CHRDL1: variants seen among roughly 807,000 people sequenced by gnomAD.
CHRDL1 encodes the protein chordin-like protein 1.
CHRDL1 carries 19 observed loss-of-function variants against 40.9 expected under a neutral mutation model. The ratio of observed to expected loss-of-function variants is 0.46; its 90% confidence interval spans 0.32 to 0.68. CHRDL1 has a LOEUF of 0.68. CHRDL1 is among the 30% of genes least tolerant of loss of function. The probability of loss-of-function intolerance (pLI) is 0.03; values close to 1 mark genes in which losing one functional copy is unlikely to be tolerated. For synonymous variants in CHRDL1, 136 were observed against 123.4 expected (o/e 1.10, Z -0.68); for missense variants, 329 against 352.1 (o/e 0.93, Z 0.53).
chrX:110,746,900 A>G (rs2089265124), intron 4 of CHRDL1, among the ~76,000 whole-genome samples: 1 of 111,720 alleles, frequency 9.0e-6, no homozygotes, highest in Admixed American at 9.5e-5. Context: ...TTCACTGTCA[A>G]TGCAAACTTT....
intron 2 of CHRDL1, among the ~76,000 whole-genome samples, chrX:110,774,881 G>C (rs761184702): frequency 1.8e-5 from 2 of 111,474 alleles, no homozygotes; most frequent in African/African-American, 6.5e-5. Context: ...ATAGGCCTTG[G>C]CAATTTGCAA....
intron 4 of CHRDL1, among the ~76,000 whole-genome samples, chrX:110,726,000 T>C (rs1217641307): frequency 4.5e-5 from 5 of 111,198 alleles, no homozygotes; most frequent in African/African-American, 1.6e-4. Context: ...GACATACACA[T>C]CCAACAAAGT....
chrX:110,729,732 C>G (rs911196805), intron 4 of CHRDL1, among the ~76,000 whole-genome samples: 6 of 111,589 alleles, frequency 5.4e-5, no homozygotes, highest in Non-Finnish European at 1.1e-4. Context: ...AGAGGAGAAG[C>G]CTTACTTCAG....
chrX:110,725,454 C>G (rs1380461688), intron 4 of CHRDL1, among the ~76,000 whole-genome samples: 3 of 109,930 alleles, frequency 2.7e-5, no homozygotes, highest in Non-Finnish European at 3.8e-5. Flanking sequence ...CTGCCACAGG[C>G]CTTTTTTTTT....
In CHRDL1 at chrX:110,740,229, G is replaced by T. The variant is rs775706510; in HGVS notation, c.302-18699C>A. Among the ~76,000 whole-genome samples, 3 of 112,697 alleles carry T rather than the reference G, an allele frequency of 2.7e-5. No individual in the cohort carries two copies. The South Asian group carries it at 1.1e-3, about 42-fold the overall frequency. On this transcript the variant is annotated intron_variant, in intron 4 of 11. Coordinates refer to ENST00000372042, the MANE Select transcript of CHRDL1 (RefSeq NM_001143981.2). ...GACATGAAGAAGAAACTGAAAAGGAGTTCTTAGAGTGTGTGATTGTCATTA... is the reference window on the plus strand; with the variant it reads ...GACATGAAGAAGAAACTGAAAAGGATTTCTTAGAGTGTGTGATTGTCATTA...
In CHRDL1 at chrX:110,676,378, C is replaced by T. The variant is rs377212171; in HGVS notation, c.1247-17G>A. ...TCCACTGGCCTAAAAGGCAAACAAA[C>T]GCAAAGTGGCCGGGAGTGTGTAAGA... On this transcript the variant is annotated splice_polypyrimidine_tract_variant and intron_variant, in intron 11 of 11. Coordinates refer to ENST00000372042, the MANE Select transcript of CHRDL1 (RefSeq NM_001143981.2). The T allele has an allele frequency of 2.6e-5, 31 of 1,206,480 alleles. No homozygotes were observed. The highest frequency in any genetic ancestry group is 2.3e-4 in the Middle Eastern group (1 of 4,325).
chrX:110,730,315 A>G (rs759728920), intron 4 of CHRDL1, among the ~76,000 whole-genome samples: 1 of 110,843 alleles, frequency 9.0e-6, no homozygotes, highest in South Asian at 4.0e-4. Context: ...GAATCCTTTT[A>G]TGCCCCAGCT....
At chrX:110,698,350 A>T (rs1483759611) in intron 7 of CHRDL1, among the ~76,000 whole-genome samples, 1 of 111,207 alleles carries the variant, frequency 9.0e-6, no homozygotes, top group African/African-American at 3.3e-5. Context: ...CATCACACAC[A>T]TTTTACGCCA....
Position 110,675,103 on chromosome X carries a change from C to T in CHRDL1, c.*1128G>A. 1 of 111,698 alleles carries T rather than the reference C, an allele frequency of 9.0e-6. No individual in the cohort carries two copies. Among genetic ancestry groups the T allele is most frequent in the South Asian group, 3.8e-4 (1 of 2,659 alleles). The allele number at this position is 111,698 out of a possible 1,213,427, so 9.2% of individuals were successfully genotyped here. A position where few individuals can be genotyped will look rare whatever the true frequency, so the allele number is the denominator to read the frequency against. ...CATGCAGATGCTCATGAGGACCGAG[C>T]CACTTTGCAAAGTAAAAATCAACTC... On this transcript the variant is annotated 3_prime_UTR_variant, in exon 12 of 12. Coordinates refer to ENST00000372042, the MANE Select transcript of CHRDL1 (RefSeq NM_001143981.2).
At chrX:110,680,638 T>C (rs769307506) in intron 10 of CHRDL1, among the ~76,000 whole-genome samples, 1 of 112,144 alleles carries the variant, frequency 8.9e-6, no homozygotes, top group South Asian at 3.7e-4. Flanking sequence ...GTAATGGTGA[T>C]GCATACAGAA....
chrX:110,720,062 G>T (rs1472987474), intron 5 of CHRDL1, 134 bp from the exon 6 acceptor site: 6 of 390,579 alleles, frequency 1.5e-5, no homozygotes, highest in Non-Finnish European at 2.7e-5. Flanking sequence ...TCAGTTCTCG[G>T]TACTTCCTAC....
chrX:110,772,415 A>C (rs1254541908), intron 2 of CHRDL1, among the ~76,000 whole-genome samples: 1 of 112,906 alleles, frequency 8.9e-6, no homozygotes, highest in Non-Finnish European at 1.9e-5. Flanking sequence ...GAGGCAGGCA[A>C]ATCGCTTGAG....
At chrX:110,700,286 C>T (rs982757889) in intron 7 of CHRDL1, among the ~76,000 whole-genome samples, 4 of 111,220 alleles carry the variant, frequency 3.6e-5, no homozygotes, top group Non-Finnish European at 7.5e-5. Context: ...CCAAATCCCA[C>T]CAAAAAGATG....
In CHRDL1 at chrX:110,687,819, A is replaced by G. The variant is rs771853422; in HGVS notation, c.988+775T>C. On this transcript the variant is annotated intron_variant, in intron 9 of 11. Coordinates refer to ENST00000372042, the MANE Select transcript of CHRDL1 (RefSeq NM_001143981.2). ...CCCATCCTATATTCTGTCAACCCCA[A>G]TATTAGGGACTATATTTTTATTTAG... Among the ~76,000 whole-genome samples, 3 of 111,458 alleles carry G rather than the reference A, an allele frequency of 2.7e-5. No homozygotes were observed. In the East Asian group the frequency reaches 8.5e-4, roughly 31 times the overall value.
At chrX:110,724,558 G>A (rs1220228884) in intron 4 of CHRDL1, among the ~76,000 whole-genome samples, 6 of 93,122 alleles carry the variant, frequency 6.4e-5, no homozygotes, top group African/African-American at 1.2e-4. Flanking sequence ...GGTGGGGGGC[G>A]AATTACTGAA....
At chrX:110,697,817 CACACA>C (rs2070423412) in intron 7 of CHRDL1, among the ~76,000 whole-genome samples, 1 of 3,005 alleles carries the variant, frequency 3.3e-4, no homozygotes, top group Non-Finnish European at 6.4e-4. Flanking sequence ...CACCACTCCA[CACACA>C]CACACACACA....
At chrX:110,784,364 G>A (rs961077999) in intron 2 of CHRDL1, among the ~76,000 whole-genome samples, 3 of 111,980 alleles carry the variant, frequency 2.7e-5, no homozygotes, top group African/African-American at 9.7e-5. Flanking sequence ...TCATTCAGAA[G>A]TTAATTAGCT....
intron 3 of CHRDL1, 23 bp downstream of exon 3, chrX:110,762,672 T>C (rs547891399): frequency 1.1e-6 from 1 of 922,896 alleles, no homozygotes; most frequent in South Asian, 2.1e-5. Context: ...AACTGGGAAA[T>C]CACATGTCAT....
At chrX:110,705,304 T>TATATAC (rs1491498596) in intron 6 of CHRDL1, among the ~76,000 whole-genome samples, 9 of 77,591 alleles carry the variant, frequency 1.2e-4, no homozygotes, top group African/African-American at 5.1e-4. Flanking sequence ...TATATATATA[T>TATATAC]ACACACACAC....
Sources: allele counts gnomAD v4.1 joint callset (sites outside exome capture counted in the v4.1 genomes callset), GRCh38; gene constraint gnomAD v4.1.1; transcripts MANE v1.5; gene names NCBI Gene and HGNC (gene_info 2026-07-23, HGNC 2026-07-21).